Variants in CELF2 observed in about 807,000 individuals in gnomAD.
CELF2 encodes CUGBP Elav-like family member 2, also known as CUG triplet repeat RNA-binding protein 2.
A neutral mutation model predicts 62.6 loss-of-function variants in CELF2; 8 were observed. The observed-to-expected ratio is 0.13, with a 90% CI of 0.07 to 0.23. CELF2 has a LOEUF of 0.23. Ranked by LOEUF, CELF2 falls within the 10% of genes least tolerant of loss-of-function variation. The pLI is 1.00. For missense variants in CELF2, 333 were observed against 671.0 expected, an observed-to-expected ratio of 0.50 and a Z score of 5.56; for synonymous variants, 258 against 250.0, an observed-to-expected ratio of 1.03 and a Z score of -0.30.
At chr10:10,872,169 T>C (rs1303300628) in intron 1 of CELF2, among the ~76,000 whole-genome samples, 6 of 152,330 alleles carry the variant, frequency 3.9e-5, no homozygotes, top group Admixed American at 3.9e-4. Context: ...GGTTGGAATC[T>C]TTTTGGCAAG....
At chr10:11,154,263 T>G (rs2063876747) in intron 1 of CELF2, among the ~76,000 whole-genome samples, 1 of 152,224 alleles carries the variant, frequency 6.6e-6, no homozygotes, top group Non-Finnish European at 1.5e-5. Context: ...TAATTGGTGA[T>G]TTAAGATGCT....
At chr10:11,194,150 C>T (rs796894931) in intron 2 of CELF2, among the ~76,000 whole-genome samples, 4 of 152,156 alleles carry the variant, frequency 2.6e-5, no homozygotes, top group Non-Finnish European at 4.4e-5. Flanking sequence ...ACTGCAACCT[C>T]CACCTCCCAG....
chr10:10,841,218 G>T (rs371806027), intron 1 of CELF2, among the ~76,000 whole-genome samples: 1 of 152,066 alleles, frequency 6.6e-6, no homozygotes, highest in East Asian at 1.9e-4. Flanking sequence ...TAATGGGATT[G>T]CTGGGTCAAA....
chr10:11,009,015 G>A (rs551731983), intron 1 of CELF2, among the ~76,000 whole-genome samples: 12 of 140,594 alleles, frequency 8.5e-5, no homozygotes, highest in African/African-American at 1.5e-4. Flanking sequence ...CGGGGGGGGG[G>A]GGGGAGCATT....
At chr10:11,149,379 A>G (rs1329298912) in intron 1 of CELF2, among the ~76,000 whole-genome samples, 1 of 152,170 alleles carries the variant, frequency 6.6e-6, no homozygotes, top group Non-Finnish European at 1.5e-5. Context: ...CTATTGACAC[A>G]TATATTAAGG....
At chr10:10,648,455 T>C in the CELF2 span, among the ~76,000 whole-genome samples, 1 of 152,232 alleles carries the variant, frequency 6.6e-6, no homozygotes, top group Non-Finnish European at 1.5e-5. Flanking sequence ...TCATGCATAC[T>C]TATCGCTCAC....
the CELF2 span, among the ~76,000 whole-genome samples, chr10:10,754,449 C>A: frequency 1.3e-5 from 2 of 152,044 alleles, no homozygotes; most frequent in African/African-American, 2.4e-5. Context: ...AACACGCTAA[C>A]CAAACAGAAG....
At chr10:11,050,035 C>T (rs141323377) in intron 1 of CELF2, among the ~76,000 whole-genome samples, 2 of 152,312 alleles carry the variant, frequency 1.3e-5, no homozygotes, top group East Asian at 3.9e-4. Context: ...CCTTCTGGGG[C>T]AGGCAGTATT....
At chr10:11,108,519 A>C (rs749757551) in intron 1 of CELF2, among the ~76,000 whole-genome samples, 40 of 152,138 alleles carry the variant, frequency 2.6e-4, no homozygotes, top group Middle Eastern at 3.4e-3. Context: ...CCAGTCCCAG[A>C]TACTTCCCAT....
chr10:10,780,454 CGTTTGTTTGTTTGTTTGTTTGTTT>C, the CELF2 span, among the ~76,000 whole-genome samples: 1 of 148,958 alleles, frequency 6.7e-6, no homozygotes, highest in Non-Finnish European at 1.5e-5. Context: ...CAGAGGGAAA[CGTTTGTTTGTTTGTTTGTTTGTTT>C]GTTTGTTTGT....
chr10:10,644,335 C>A, the CELF2 span, among the ~76,000 whole-genome samples: 1 of 152,112 alleles, frequency 6.6e-6, no homozygotes, highest in African/African-American at 2.4e-5. Flanking sequence ...ATCAAGATAG[C>A]AAGGTCCTTT....
Position 11,334,169 on chromosome 10 carries a change from G to A in CELF2, c.*5116G>A, listed in dbSNP as rs1566065310. 6.6e-6 allele frequency: 1 copy of A among 152,584 alleles called. No homozygotes were observed. Among genetic ancestry groups the A allele is most frequent in the Admixed American group, 6.5e-5 (1 of 15,282 alleles). 9.5% of individuals were successfully genotyped at this position (152,584 alleles called of 1,614,324 possible). A position where few individuals can be genotyped will look rare whatever the true frequency, so the allele number is the denominator to read the frequency against. ...TTAGAAGTACTCAGTCACTTTAAGT[G>A]GATAAATGTATTAGTTAAAACTTTA... On this transcript the variant is annotated 3_prime_UTR_variant, in exon 13 of 13. Coordinates refer to ENST00000633077, the MANE Select transcript of CELF2 (RefSeq NM_001326342.2).
In CELF2 at chr10:11,285,563, G is replaced by A. The variant is rs1286412757; in HGVS notation, c.842-2855G>A. 6.6e-6 allele frequency among the ~76,000 whole-genome samples: 1 copy of A among 152,198 alleles called. No individual in the cohort carries two copies. The highest frequency in any genetic ancestry group is 1.5e-5 in the Non-Finnish European group (1 of 68,034). ...TGTCAGCTCAGTTCCAGGACCTTTA[G>A]TGAATGTCAGTGGGTGAGAGAAGGA... On this transcript the variant is annotated intron_variant, in intron 8 of 12. Coordinates refer to ENST00000633077, the MANE Select transcript of CELF2 (RefSeq NM_001326342.2). This position sits in a 1 kb window ranked among gnomAD's most constrained non-coding sequence, Gnocchi z 4.3.
intron 1 of CELF2, among the ~76,000 whole-genome samples, chr10:10,915,147 AAAG>A (rs1564813481): frequency 1.4e-5 from 2 of 138,324 alleles, no homozygotes; most frequent in African/African-American, 3.5e-5. Flanking sequence ...AAAAAAAAAA[AAAG>A]ATTTTTTAGT....
At chr10:10,613,341 C>T in the CELF2 span, among the ~76,000 whole-genome samples, 17 of 152,082 alleles carry the variant, frequency 1.1e-4, no homozygotes, top group Non-Finnish European at 2.1e-4. Flanking sequence ...ATATAATATC[C>T]ATGCATGTTT....
upstream of CELF2, among the ~76,000 whole-genome samples, chr10:11,012,876 A>AT (rs34181152): frequency 4.8e-4 from 71 of 148,318 alleles, no homozygotes; most frequent in South Asian, 2.4e-3. The surrounding 1 kb of genome is among the most constrained non-coding windows in gnomAD (Gnocchi z 5.5). Context: ...TCTTCAAAGG[A>AT]TTTTTTTTTT....
intron 8 of CELF2, among the ~76,000 whole-genome samples, chr10:11,279,740 A>T (rs2087594337): frequency 6.6e-6 from 1 of 152,138 alleles, no homozygotes; most frequent in Admixed American, 6.5e-5. Flanking sequence ...CTCCTTATAA[A>T]TAATTTTTTT....
At chr10:11,095,913 T>TA (rs113791116) in intron 1 of CELF2, among the ~76,000 whole-genome samples, 14 of 150,390 alleles carry the variant, frequency 9.3e-5, no homozygotes, top group South Asian at 6.3e-4. Flanking sequence ...AAACTATATT[T>TA]AAAAAAAAAA....
At chr10:10,844,366 G>C (rs1370867348) in intron 1 of CELF2, among the ~76,000 whole-genome samples, 1 of 152,040 alleles carries the variant, frequency 6.6e-6, no homozygotes, top group Non-Finnish European at 1.5e-5. Flanking sequence ...AGAAAAATAA[G>C]GAGTATTTAT....
Sources: allele counts gnomAD v4.1 joint callset (sites outside exome capture counted in the v4.1 genomes callset), GRCh38; gene constraint gnomAD v4.1.1; non-coding constraint Gnocchi (gnomAD v3.1); transcripts MANE v1.5; gene names NCBI Gene and HGNC (gene_info 2026-07-23, HGNC 2026-07-21).